CSMD1: variants seen among roughly 807,000 people sequenced by gnomAD.
CSMD1 encodes CUB and Sushi multiple domains 1.
Under a neutral mutation model 417.5 loss-of-function variants are expected in CSMD1, and 213 were observed. The observed-to-expected ratio is 0.51, with a 90% CI of 0.46 to 0.57. CSMD1 has a LOEUF of 0.57. Ranked by LOEUF, CSMD1 falls within the 20% of genes least tolerant of loss-of-function variation. CSMD1 has a pLI of 0.00. For missense variants in CSMD1, 6,923 were observed against 4,529.7 expected, an observed-to-expected ratio of 1.53 and a Z score of -15.17; for synonymous variants, 2,862 against 1,736.8, an observed-to-expected ratio of 1.65 and a Z score of -16.11.
intron 5 of CSMD1, among the ~76,000 whole-genome samples, chr8:3,888,775 A>C (rs760748518): frequency 1.3e-5 from 2 of 152,144 alleles, no homozygotes. Flanking sequence ...TGGTCCTTCC[A>C]TTTGGGTCCT....
chr8:4,901,184 G>C (rs925627367), intron 1 of CSMD1, among the ~76,000 whole-genome samples: 1 of 152,186 alleles, frequency 6.6e-6, no homozygotes, highest in African/African-American at 2.4e-5. Flanking sequence ...CCAAAAGTTA[G>C]TATAGATCAA....
chr8:3,098,783 C>T (rs79153151), intron 46 of CSMD1, among the ~76,000 whole-genome samples: 178 of 152,236 alleles, frequency 1.2e-3, no homozygotes, highest in African/African-American at 4.0e-3. Context: ...TCCACAGACC[C>T]GCCTTGACTT....
intron 1 of CSMD1, among the ~76,000 whole-genome samples, chr8:4,766,003 T>G (rs1006742397): frequency 2.0e-5 from 3 of 152,208 alleles, no homozygotes; most frequent in Non-Finnish European, 4.4e-5. Context: ...AGTTTGGCAT[T>G]CATTCAAATA....
At chr8:4,269,336 G>A (rs1196586917) in intron 3 of CSMD1, among the ~76,000 whole-genome samples, 1 of 152,170 alleles carries the variant, frequency 6.6e-6, no homozygotes, top group Admixed American at 6.5e-5. Context: ...AAAGTGCTGG[G>A]ATTACAGGTG....
chr8:3,522,787 A>T (rs1445605948), intron 10 of CSMD1, among the ~76,000 whole-genome samples: 1 of 151,640 alleles, frequency 6.6e-6, no homozygotes, highest in African/African-American at 2.4e-5. Context: ...AACCCAACAC[A>T]TTTTTCATGG....
intron 9 of CSMD1, among the ~76,000 whole-genome samples, chr8:3,581,950 A>T (rs1800400827): frequency 1.3e-5 from 2 of 152,170 alleles, no homozygotes; most frequent in African/African-American, 4.8e-5. Flanking sequence ...GATTATAGGC[A>T]TGCACCAGCA....
intron 1 of CSMD1, among the ~76,000 whole-genome samples, chr8:4,860,558 T>C (rs1265549154): frequency 1.3e-5 from 2 of 152,112 alleles, no homozygotes; most frequent in Non-Finnish European, 2.9e-5. Flanking sequence ...GTGCCATGCT[T>C]TCTGTACAGC....
intron 3 of CSMD1, among the ~76,000 whole-genome samples, chr8:4,061,977 AC>A: frequency 6.6e-6 from 1 of 152,070 alleles, no homozygotes; most frequent in East Asian, 1.9e-4. Context: ...GGGATGCCAA[AC>A]CCCCTGCTGC....
At chr8:4,396,491 T>A (rs953675069) in intron 3 of CSMD1, among the ~76,000 whole-genome samples, 2 of 152,094 alleles carry the variant, frequency 1.3e-5, no homozygotes, top group Non-Finnish European at 2.9e-5. Context: ...GGAATTGCAC[T>A]GGATTTATCG....
At chr8:2,995,109 G>C (rs529011358) in intron 54 of CSMD1, among the ~76,000 whole-genome samples, 2 of 152,166 alleles carry the variant, frequency 1.3e-5, no homozygotes, top group Non-Finnish European at 2.9e-5. Context: ...AAAGTCAAAC[G>C]AGAGACTGGG....
At chr8:3,476,979 A>C (rs35466915) in intron 11 of CSMD1, among the ~76,000 whole-genome samples, 97,149 of 150,644 alleles carry the variant, frequency 0.64, 32,124 homozygotes, top group Middle Eastern at 0.78. Flanking sequence ...GAGCCTGTCA[A>C]CACAAAGGGA....
chr8:3,376,553 C>T (rs35351172), intron 18 of CSMD1, among the ~76,000 whole-genome samples: 2 of 152,030 alleles, frequency 1.3e-5, no homozygotes, highest in South Asian at 2.1e-4. Context: ...GAACTACTTG[C>T]ATGATTCCAA....
chr8:3,376,933 G>C (rs1023915931), intron 18 of CSMD1, among the ~76,000 whole-genome samples: 1 of 152,156 alleles, frequency 6.6e-6, no homozygotes, highest in African/African-American at 2.4e-5. Flanking sequence ...CTTATGGTTG[G>C]ATGAAAACTA....
At chr8:3,327,501 C>G (rs1305137956) in intron 23 of CSMD1, among the ~76,000 whole-genome samples, 1 of 152,148 alleles carries the variant, frequency 6.6e-6, no homozygotes, top group Non-Finnish European at 1.5e-5. Context: ...TTAACATACA[C>G]ATCTTTTTAT....
intron 4 of CSMD1, among the ~76,000 whole-genome samples, chr8:4,003,814 G>A (rs1393782280): frequency 6.6e-6 from 1 of 150,460 alleles, no homozygotes; most frequent in Non-Finnish European, 1.5e-5. Flanking sequence ...TATTGTACGT[G>A]TCTGATATTC....
At chr8:4,442,367 C>G (rs1798535708) in intron 2 of CSMD1, among the ~76,000 whole-genome samples, 1 of 152,118 alleles carries the variant, frequency 6.6e-6, no homozygotes, top group East Asian at 1.9e-4. Flanking sequence ...ACACGTTTGC[C>G]TAGAGATTTC....
chr8:3,741,214 A>T (rs1645884384), intron 6 of CSMD1, among the ~76,000 whole-genome samples: 1 of 11,404 alleles, frequency 8.8e-5, no homozygotes, highest in Non-Finnish European at 2.0e-4. Flanking sequence ...ACTCCGTCTT[A>T]AAAAAAAAAA....
chr8:4,541,126 A>AT (rs912208802), intron 2 of CSMD1, among the ~76,000 whole-genome samples: 117 of 152,182 alleles, frequency 7.7e-4, no homozygotes, highest in African/African-American at 2.3e-3. Flanking sequence ...ATGAGAACTG[A>AT]TTTTTTTACC....
intron 5 of CSMD1, among the ~76,000 whole-genome samples, chr8:3,841,878 G>C (rs1803160463): frequency 6.6e-6 from 1 of 151,662 alleles, no homozygotes; most frequent in Non-Finnish European, 1.5e-5. Flanking sequence ...CCTTGGGTTG[G>C]CCACACTGGC....
Sources: allele counts gnomAD v4.1 joint callset (sites outside exome capture counted in the v4.1 genomes callset), GRCh38; gene constraint gnomAD v4.1.1; transcripts MANE v1.5; gene names NCBI Gene and HGNC (gene_info 2026-07-23, HGNC 2026-07-21).